Variants in SLC4A4 observed in about 807,000 individuals in gnomAD.
The protein encoded by SLC4A4 is electrogenic sodium bicarbonate cotransporter 1.
Under a neutral mutation model 111.5 loss-of-function variants are expected in SLC4A4, and 27 were observed. The ratio of observed to expected loss-of-function variants is 0.24; its 90% CI spans 0.18 to 0.33. The LOEUF (loss-of-function observed/expected upper bound fraction) is 0.33, where lower values mean the gene tolerates loss of function less well. SLC4A4 is among the 10% of genes least tolerant of loss of function. SLC4A4 has a pLI of 1.00. For synonymous variants in SLC4A4, 443 were observed against 463.4 expected (o/e 0.96, Z 0.57); for missense variants, 909 against 1,315.5 (o/e 0.69, Z 4.78).
chr4:71,377,712 C>T (rs907403944), intron 6 of SLC4A4, among the ~76,000 whole-genome samples: 2 of 152,200 alleles, frequency 1.3e-5, no homozygotes, highest in Non-Finnish European at 2.9e-5. Flanking sequence ...TGTGTTTCCA[C>T]AGTCACCGTA....
Position 71,430,967 on chromosome 4 carries a change from G to A in SLC4A4, c.808-9649G>A, listed in dbSNP as rs539055844. On this transcript the variant is annotated intron_variant, in intron 7 of 25. Coordinates refer to ENST00000264485, the MANE Select transcript of SLC4A4 (RefSeq NM_001098484.3). Reference sequence around the variant, plus strand: ...TTGTCCACATATGTGGCCTGGATAGGATGTGTAGAACCCACTTCTTTAAGA... The same window carrying A: ...TTGTCCACATATGTGGCCTGGATAGAATGTGTAGAACCCACTTCTTTAAGA... Among the ~76,000 whole-genome samples the A allele has an allele frequency of 2.0e-5, 3 of 152,236 alleles. No homozygotes were observed. The East Asian group carries it at 5.8e-4, about 29-fold the overall frequency.
chr4:71,091,353 C>T (rs549116290), intron 1 of SLC4A4, among the ~76,000 whole-genome samples: 28 of 151,392 alleles, frequency 1.8e-4, no homozygotes, highest in South Asian at 1.0e-3. Flanking sequence ...TCCGGGTTCA[C>T]GCCATTCTCC....
chr4:71,219,681 C>T (rs889777919), intron 1 of SLC4A4, among the ~76,000 whole-genome samples: 1 of 152,096 alleles, frequency 6.6e-6, no homozygotes, highest in Admixed American at 6.6e-5. Context: ...AAGGATTTAC[C>T]ATTCTAGATG....
At chr4:71,082,867 T>TG (rs1348984208) in intron 1 of SLC4A4, among the ~76,000 whole-genome samples, 1 of 147,550 alleles carries the variant, frequency 6.8e-6, no homozygotes, top group Non-Finnish European at 1.5e-5. Flanking sequence ...TTTTTTTTTT[T>TG]GTTGGAGACA....
chr4:71,091,503 T>C (rs1168702071), intron 1 of SLC4A4, among the ~76,000 whole-genome samples: 6 of 151,962 alleles, frequency 3.9e-5, no homozygotes, highest in Non-Finnish European at 8.8e-5. Flanking sequence ...TCTGCTTGTC[T>C]CGGCCTCCCA....
At chr4:71,124,325 C>A (rs1417416522) in intron 2 of SLC4A4, among the ~76,000 whole-genome samples, 2 of 152,052 alleles carry the variant, frequency 1.3e-5, no homozygotes, top group Admixed American at 1.3e-4. Flanking sequence ...GTGCCCGCCA[C>A]CATGTCTGGC....
intron 7 of SLC4A4, among the ~76,000 whole-genome samples, chr4:71,421,121 A>G (rs1722433824): frequency 6.6e-6 from 1 of 151,046 alleles, no homozygotes; most frequent in African/African-American, 2.4e-5. Context: ...CATAGGCTCA[A>G]AATAAAAGGA....
At chr4:71,443,267 C>T (rs1724937140) in intron 8 of SLC4A4, among the ~76,000 whole-genome samples, 1 of 151,142 alleles carries the variant, frequency 6.6e-6, no homozygotes, top group South Asian at 2.1e-4. Flanking sequence ...TCTCCTGCCT[C>T]AACCTCCTGA....
intron 1 of SLC4A4, among the ~76,000 whole-genome samples, chr4:71,068,636 C>A (rs139506065): frequency 2.6e-5 from 4 of 151,666 alleles, no homozygotes; most frequent in African/African-American, 9.7e-5. Flanking sequence ...CTCACTGCAA[C>A]CTGCAACCTC....
chr4:71,115,793 A>G (rs1035795611), intron 2 of SLC4A4, among the ~76,000 whole-genome samples: 2 of 152,046 alleles, frequency 1.3e-5, no homozygotes, highest in Non-Finnish European at 2.9e-5. Context: ...TGGAAATAGA[A>G]CTCTCTCTAA....
intron 14 of SLC4A4, chr4:71,473,295 A>G (rs1041827160): frequency 4.2e-5 from 25 of 593,372 alleles, no homozygotes; most frequent in Non-Finnish European, 1.8e-5. Context: ...TACATGTATT[A>G]ACAGATATAA....
chr4:71,525,196 A>T (rs1014967915), intron 16 of SLC4A4, among the ~76,000 whole-genome samples: 1 of 152,090 alleles, frequency 6.6e-6, no homozygotes, highest in Non-Finnish European at 1.5e-5. Flanking sequence ...TGTTTATTTG[A>T]ATTTCCTTTT....
At chr4:71,161,798 A>C (rs1321072886) in intron 2 of SLC4A4, among the ~76,000 whole-genome samples, 1 of 152,176 alleles carries the variant, frequency 6.6e-6, no homozygotes, top group Non-Finnish European at 1.5e-5. Flanking sequence ...AAGACCTTTT[A>C]AGAGATGAAA....
intron 1 of SLC4A4, among the ~76,000 whole-genome samples, chr4:71,217,534 G>C (rs1025002160): frequency 2.0e-5 from 3 of 152,190 alleles, no homozygotes; most frequent in Non-Finnish European, 4.4e-5. Context: ...CTGCACTCCA[G>C]CCTGGGTGAC....
intron 18 of SLC4A4, among the ~76,000 whole-genome samples, chr4:71,536,641 G>A (rs952850887): frequency 1.3e-5 from 2 of 150,034 alleles, no homozygotes; most frequent in African/African-American, 2.4e-5. Context: ...GAATTACAGG[G>A]GCATGCCACC....
chr4:71,405,750 C>T (rs1288675744), intron 7 of SLC4A4, among the ~76,000 whole-genome samples: 1 of 152,168 alleles, frequency 6.6e-6, no homozygotes, highest in African/African-American at 2.4e-5. Context: ...TTATGTTTCA[C>T]TCCACTAAAA....
chr4:71,370,087 A>T (rs1468623591), intron 6 of SLC4A4, among the ~76,000 whole-genome samples: 3 of 152,208 alleles, frequency 2.0e-5, no homozygotes, highest in Non-Finnish European at 4.4e-5. Context: ...CTTGAATAAT[A>T]AAAGTTACAA....
rs193267195 is a variant in SLC4A4, at chr4:71,365,574, C to T, written c.730+8387C>T. ...TTAAGGTCTTCCAAGAATGACTAAG[C>T]ATGCCTCATTCTACTCAACTCCTGT... On this transcript the variant is annotated intron_variant, in intron 6 of 25. Transcript: ENST00000264485. 1.3e-5 allele frequency among the ~76,000 whole-genome samples: 2 copies of T among 152,262 alleles called. 1 individual carries two copies. Among genetic ancestry groups the T allele is most frequent in the African/African-American group, 4.8e-5 (2 of 41,546 alleles).
At chr4:71,305,776 G>A (rs73826238) in intron 3 of SLC4A4, among the ~76,000 whole-genome samples, 4,208 of 152,274 alleles carry the variant, frequency 0.028, 188 homozygotes, top group African/African-American at 0.095. Flanking sequence ...GAGCTAACAC[G>A]TGGCGTCTAT....
Sources: allele counts gnomAD v4.1 joint callset (sites outside exome capture counted in the v4.1 genomes callset), GRCh38; gene constraint gnomAD v4.1.1; transcripts MANE v1.5; gene names NCBI Gene and HGNC (gene_info 2026-07-23, HGNC 2026-07-21).